Variants in MYOZ2 observed in about 807,000 individuals in gnomAD.
MYOZ2 encodes myozenin 2.
In MYOZ2, 19 loss-of-function variants were observed where a neutral mutation model predicts 25.4. The ratio of observed to expected loss-of-function variants is 0.75; its 90% confidence interval spans 0.52 to 1.10. MYOZ2 has a LOEUF of 1.10. MYOZ2 is among the 50% of genes least tolerant of loss of function. The probability of loss-of-function intolerance (pLI) is 0.00; values close to 1 mark genes in which losing one functional copy is unlikely to be tolerated. For missense variants in MYOZ2, 270 were observed against 317.9 expected (o/e 0.85, Z 1.15); for synonymous variants, 92 against 106.9 (o/e 0.86, Z 0.86).
chr4:119,160,960 C>T (rs1741694814), intron 4 of MYOZ2, among the ~76,000 whole-genome samples: 1 of 151,596 alleles, frequency 6.6e-6, no homozygotes, highest in East Asian at 1.9e-4. Context: ...ATTCTTATAA[C>T]ACCCTACAGT....
intron 5 of MYOZ2, among the ~76,000 whole-genome samples, chr4:119,171,309 G>T (rs1010220380): frequency 6.6e-6 from 1 of 151,904 alleles, no homozygotes; most frequent in Non-Finnish European, 1.5e-5. Flanking sequence ...AAAGGTCATC[G>T]TTAATAGTTA....
chr4:119,148,546 C>T (rs9999257), intron 2 of MYOZ2, among the ~76,000 whole-genome samples: 9 of 152,118 alleles, frequency 5.9e-5, no homozygotes, highest in Admixed American at 5.9e-4. Flanking sequence ...GTTTTCAAGT[C>T]TATTTTTCTC....
intron 4 of MYOZ2, among the ~76,000 whole-genome samples, chr4:119,161,108 A>G (rs1741698237): frequency 6.6e-6 from 1 of 152,026 alleles, no homozygotes; most frequent in Admixed American, 6.6e-5. Flanking sequence ...TAGGAGATCA[A>G]CCTTTTTTAG....
At chr4:119,163,123 G>C (rs1441340724) in intron 4 of MYOZ2, among the ~76,000 whole-genome samples, 2 of 152,074 alleles carry the variant, frequency 1.3e-5, no homozygotes, top group African/African-American at 2.4e-5. Context: ...CAGAGAAAAG[G>C]AGCCTACACA....
chr4:119,173,566 C>G (rs1250824669), intron 5 of MYOZ2, among the ~76,000 whole-genome samples: 1 of 152,226 alleles, frequency 6.6e-6, no homozygotes, highest in Non-Finnish European at 1.5e-5. Context: ...AAACTGCTTT[C>G]CAAACAGCAG....
intron 2 of MYOZ2, among the ~76,000 whole-genome samples, chr4:119,141,250 C>T (rs1212509994): frequency 6.6e-6 from 1 of 152,186 alleles, no homozygotes; most frequent in Non-Finnish European, 1.5e-5. Flanking sequence ...TTCAAAAGGT[C>T]TTTTGTCGTA....
chr4:119,170,730 C>T (rs1351225032), intron 5 of MYOZ2, among the ~76,000 whole-genome samples: 1 of 151,946 alleles, frequency 6.6e-6, no homozygotes, highest in Admixed American at 6.6e-5. Flanking sequence ...TGGTTGGAGC[C>T]TCAGAAGGGA....
chr4:119,187,241 T>G lies in MYOZ2; in HGVS notation c.*1041T>G, dbSNP rs1042713565. 1 of 152,162 alleles carries G rather than the reference T, an allele frequency of 6.6e-6. No homozygotes were observed. The highest frequency in any genetic ancestry group is 1.5e-5 in the Non-Finnish European group (1 of 68,012). 9.4% of individuals were successfully genotyped at this position (152,162 alleles called of 1,614,324 possible). On this transcript the variant is annotated 3_prime_UTR_variant, in exon 6 of 6. Coordinates refer to ENST00000307128, the MANE Select transcript of MYOZ2 (RefSeq NM_016599.5). ...AAACTAATATAAAGTTATAGTTATA[T>G]CTTAAAATATAATTGAAGAAGCATA...
intron 5 of MYOZ2, among the ~76,000 whole-genome samples, chr4:119,171,557 G>T (rs1280699801): frequency 6.6e-6 from 1 of 151,360 alleles, no homozygotes; most frequent in African/African-American, 2.4e-5. Context: ...TAATTTTCAG[G>T]TATAAAATAA....
intron 4 of MYOZ2, among the ~76,000 whole-genome samples, chr4:119,163,481 G>A (rs1741752016): frequency 6.6e-6 from 1 of 152,150 alleles, no homozygotes; most frequent in Non-Finnish European, 1.5e-5. Context: ...TGTGAAAAAG[G>A]TTTAAAGATC....
At chr4:119,138,667 G>A (rs1353813615) in intron 2 of MYOZ2, among the ~76,000 whole-genome samples, 1 of 152,166 alleles carries the variant, frequency 6.6e-6, no homozygotes, top group Non-Finnish European at 1.5e-5. Flanking sequence ...TGAAAAGGAT[G>A]TTCCAGTCGA....
chr4:119,145,654 C>T (rs547237621), intron 2 of MYOZ2, among the ~76,000 whole-genome samples: 24 of 152,068 alleles, frequency 1.6e-4, no homozygotes, highest in African/African-American at 5.3e-4. Flanking sequence ...GGATTACAGG[C>T]GTGAGCCATC....
chr4:119,151,956 T>C (rs1469233490), intron 3 of MYOZ2, among the ~76,000 whole-genome samples: 1 of 152,200 alleles, frequency 6.6e-6, no homozygotes, highest in African/African-American at 2.4e-5. Context: ...ATTTCCCTGA[T>C]TTATTTTATC....
At position 119,186,526 on chromosome 4, in the gene MYOZ2, G is replaced by A; in HGVS notation, c.*326G>A. ...GTCTCATTTTATATGATTTATTACA[G>A]TGTAAGTTTTTCAAGTGGAATCTAG... On this transcript the variant is annotated 3_prime_UTR_variant, in exon 6 of 6. Coordinates refer to ENST00000307128, the MANE Select transcript of MYOZ2 (RefSeq NM_016599.5). The A allele has an allele frequency of 3.5e-6, 1 of 287,668 alleles. No homozygotes were observed. Among genetic ancestry groups the A allele is most frequent in the Non-Finnish European group, 6.6e-6 (1 of 152,080 alleles). The allele number at this position is 287,668 out of a possible 1,614,324, so 17.8% of individuals were successfully genotyped here. A position where few individuals can be genotyped will look rare whatever the true frequency, so the allele number is the denominator to read the frequency against.
chr4:119,173,828 T>C (rs575588632), intron 5 of MYOZ2, among the ~76,000 whole-genome samples: 3 of 152,182 alleles, frequency 2.0e-5, no homozygotes, highest in South Asian at 4.2e-4. Flanking sequence ...GGACGCTTGC[T>C]GGCCAGCTGG....
In MYOZ2 at chr4:119,164,386, C is replaced by A; in HGVS notation, c.552C>A (p.Ser184Arg). Reference sequence around the variant, plus strand: ...AGGCAGAACTGCCTGATTACAGGAGCTTTAACAGGTAATTCAATGGTCCTG... The same window carrying A: ...AGGCAGAACTGCCTGATTACAGGAGATTTAACAGGTAATTCAATGGTCCTG... The part of the protein sequence containing the change: ...EGKAELPDYR[S>R]FNRVATPFGG... The change falls in exon 5 of 6, where the codon AGC (serine) becomes AGA (arginine). Residue 184 changes from serine to arginine, a missense_variant. Coordinates refer to ENST00000307128, the MANE Select transcript of MYOZ2 (RefSeq NM_016599.5). The A allele has an allele frequency of 6.2e-7, 1 of 1,614,028 alleles. No homozygotes were observed.
At chr4:119,137,674 A>G (rs148847683) in intron 2 of MYOZ2, among the ~76,000 whole-genome samples, 38 of 152,328 alleles carry the variant, frequency 2.5e-4, no homozygotes, top group African/African-American at 7.9e-4. Context: ...GAACCACTGT[A>G]CTGGATTCAA....
intron 5 of MYOZ2, among the ~76,000 whole-genome samples, chr4:119,169,488 T>C (rs1741902427): frequency 6.6e-6 from 1 of 152,214 alleles, no homozygotes; most frequent in South Asian, 2.1e-4. Flanking sequence ...CCAGAAAAGC[T>C]AGTTTTAAAA....
chr4:119,186,143 A>G lies in MYOZ2; in HGVS notation c.738A>G (p.Ile246Met), dbSNP rs140126678. The change falls in exon 6 of 6, where the codon ATA (isoleucine) becomes ATG (methionine). Residue 246 changes from isoleucine to methionine, a missense_variant. By Grantham distance (10) the Ile-to-Met change is conservative. Coordinates refer to ENST00000307128, the MANE Select transcript of MYOZ2 (RefSeq NM_016599.5). ...PKGWISENIPIVITTEPTDDT... is the reference protein window; with the variant it reads ...PKGWISENIPMVITTEPTDDT... ...GATGGATATCTGAGAATATTCCTAT[A>G]GTGATAACAACCGAACCTACAGATG... is the stretch of plus-strand genomic sequence containing the variant. The G allele has an allele frequency of 1.1e-3, 1,750 of 1,614,050 alleles. 18 individuals are homozygous for G. The highest frequency in any genetic ancestry group is 2.4e-4 in the Non-Finnish European group (289 of 1,179,968).
Sources: gnomAD v4.1 joint callset for allele counts (sites outside exome capture counted in the v4.1 genomes callset) on GRCh38, gnomAD v4.1.1 for gene constraint, MANE v1.5 for transcripts, NCBI Gene and HGNC (gene_info 2026-07-23, HGNC 2026-07-21) for gene names.